The following TBK1 variants were observed in gnomAD, a reference collection of about 807,000 sequenced individuals.
The protein encoded by TBK1 is TANK binding kinase 1.
Under a neutral mutation model 99.9 loss-of-function variants are expected in TBK1, and 37 were observed. The observed-to-expected ratio is 0.37, with a 90% CI of 0.28 to 0.49. TBK1 has a LOEUF of 0.49. Ranked by LOEUF, TBK1 falls within the 20% of genes least tolerant of loss-of-function variation. The pLI, the probability that TBK1 is intolerant of heterozygous loss-of-function variation, is 0.98. For synonymous variants in TBK1, 258 were observed against 279.8 expected, an observed-to-expected ratio of 0.92 and a Z score of 0.78; for missense variants, 644 against 872.5, an observed-to-expected ratio of 0.74 and a Z score of 3.30.
chr12:64,495,447 T>C, intron 13 of TBK1, 36 bp from the exon 14 acceptor site: 1 of 1,606,094 alleles, frequency 6.2e-7, no homozygotes. Context: ...TTTCTGGCTT[T>C]TGGCAATCTG....
intron 13 of TBK1, among the ~76,000 whole-genome samples, chr12:64,494,043 A>G (rs2040899657): frequency 6.6e-6 from 1 of 152,198 alleles, no homozygotes; most frequent in African/African-American, 2.4e-5. Flanking sequence ...TCTTCTATGT[A>G]ATGCTGTAAG....
At chr12:64,487,359 C>G (rs1308267225) in intron 11 of TBK1, among the ~76,000 whole-genome samples, 1 of 152,172 alleles carries the variant, frequency 6.6e-6, no homozygotes, top group African/African-American at 2.4e-5. Context: ...TGTATGCCTA[C>G]CTCATACCCA....
chr12:64,464,882 A>G (rs1452162568), intron 4 of TBK1, among the ~76,000 whole-genome samples: 2 of 152,212 alleles, frequency 1.3e-5, no homozygotes, highest in Non-Finnish European at 2.9e-5. Flanking sequence ...ATCATTGGTT[A>G]TTAGGGAAAT....
chr12:64,472,930 G>A (rs2040676494), intron 5 of TBK1, among the ~76,000 whole-genome samples: 1 of 152,200 alleles, frequency 6.6e-6, no homozygotes, highest in Admixed American at 6.5e-5. Context: ...GTAAGGACGT[G>A]TGTTTAATGT....
intron 3 of TBK1, 105 bp from the exon 4 acceptor site, chr12:64,464,229 C>T: frequency 1.1e-6 from 1 of 904,104 alleles, no homozygotes; most frequent in Non-Finnish European, 1.6e-6. Flanking sequence ...AAAGTGCCTT[C>T]ATCATTGTAG....
chr12:64,498,814 G>C (rs1383627160), intron 20 of TBK1, among the ~76,000 whole-genome samples: 1 of 151,788 alleles, frequency 6.6e-6, no homozygotes, highest in East Asian at 2.0e-4. Context: ...AAATTAGCTG[G>C]GCATGGTGGT....
intron 6 of TBK1, among the ~76,000 whole-genome samples, chr12:64,477,146 T>C (rs1371501844): frequency 1.3e-5 from 2 of 152,350 alleles, no homozygotes; most frequent in East Asian, 3.9e-4. Flanking sequence ...GCCTTGGCTA[T>C]TCAGGCTCTG....
intron 2 of TBK1, among the ~76,000 whole-genome samples, chr12:64,456,648 G>T (rs1018051604): frequency 6.6e-6 from 1 of 152,086 alleles, no homozygotes; most frequent in Non-Finnish European, 1.5e-5. Flanking sequence ...AGACCATCCT[G>T]GCTAACACGG....
chr12:64,454,570 C>T (rs998331125), intron 1 of TBK1, among the ~76,000 whole-genome samples: 1 of 151,110 alleles, frequency 6.6e-6, no homozygotes, highest in Non-Finnish European at 1.5e-5. Flanking sequence ...TTCTTTCAGC[C>T]CTGTGTTAAG....
chr12:64,490,235 C>A, intron 13 of TBK1, 116 bp downstream of exon 13: 1 of 600,712 alleles, frequency 1.7e-6, no homozygotes, highest in Middle Eastern at 4.7e-4. Flanking sequence ...AGAGTCGCAA[C>A]TACTCAGGAG....
chr12:64,476,379 C>T (rs1388846619), intron 6 of TBK1, among the ~76,000 whole-genome samples: 2 of 151,666 alleles, frequency 1.3e-5, no homozygotes, highest in African/African-American at 4.8e-5. Context: ...AGGATGGTCT[C>T]GATCTCCTGA....
At position 64,480,033 on chromosome 12, in the gene TBK1, G is replaced by A. The variant is rs371799560; in HGVS notation, c.723G>A (p.Lys241=). Reference sequence around the variant, plus strand: ...CAAGGTATAAAATAATTACAGGAAAGCCTTCTGGTGCAATATCTGGAGTAC... The same window carrying A: ...CAAGGTATAAAATAATTACAGGAAAACCTTCTGGTGCAATATCTGGAGTAC... ...KEVMYKIITG[K]PSGAISGVQK... The change falls in exon 7 of 21, where the codon AAG becomes AAA. Residue 241 remains lysine, a synonymous_variant. Transcript: ENST00000331710. The A allele has an allele frequency of 5.0e-6, 8 of 1,611,592 alleles. No homozygotes were observed. In the African/African-American group the frequency reaches 8.0e-5, roughly 16 times the overall value.
rs71092971 is a variant in TBK1, at chr12:64,484,010, TAC to T, written c.993-255_993-254del. The T allele has an allele frequency of 0.039, 6,042 of 154,960 alleles. 120 individuals carry two copies. Among genetic ancestry groups the T allele is most frequent in the Middle Eastern group, 0.079 (24 of 304 alleles). 9.6% of individuals were successfully genotyped at this position (154,960 alleles called of 1,614,324 possible). A position where few individuals can be genotyped will look rare whatever the true frequency, so the allele number is the denominator to read the frequency against. ...CAACAGAGCGAAACTCTGTCTCACA[TAC>T]ACACACACACACACACACACACACA... On this transcript the variant is annotated intron_variant, in intron 8 of 20. Coordinates refer to ENST00000331710, the MANE Select transcript of TBK1 (RefSeq NM_013254.4).
chr12:64,481,015 C>T (rs2040763131), intron 7 of TBK1, among the ~76,000 whole-genome samples: 1 of 152,072 alleles, frequency 6.6e-6, no homozygotes, highest in Middle Eastern at 3.2e-3. Flanking sequence ...TTTTCAAAAA[C>T]CACTATTGTT....
At chr12:64,494,311 A>C (rs1462007094) in intron 13 of TBK1, among the ~76,000 whole-genome samples, 2 of 145,076 alleles carry the variant, frequency 1.4e-5, no homozygotes, top group Admixed American at 6.9e-5. Flanking sequence ...AAAAAAAAAA[A>C]AAGAAAAAAA....
chr12:64,482,353 A>C (rs757753183), intron 8 of TBK1, among the ~76,000 whole-genome samples: 4 of 152,200 alleles, frequency 2.6e-5, no homozygotes, highest in African/African-American at 9.6e-5. Flanking sequence ...TAAGTGTACT[A>C]TCCTGCCATG....
chr12:64,476,051 A>G (rs2040708841), intron 6 of TBK1, among the ~76,000 whole-genome samples: 1 of 147,722 alleles, frequency 6.8e-6, no homozygotes, highest in Non-Finnish European at 1.5e-5. Flanking sequence ...TTTTATAGCC[A>G]TTCTGACTGG....
chr12:64,461,181 A>G (rs979277664), intron 3 of TBK1, among the ~76,000 whole-genome samples: 9 of 151,928 alleles, frequency 5.9e-5, no homozygotes, highest in Non-Finnish European at 1.2e-4. Context: ...AATTATAAAG[A>G]GAAAAAATAA....
intron 13 of TBK1, among the ~76,000 whole-genome samples, chr12:64,491,056 T>C (rs2040864348): frequency 6.6e-6 from 1 of 152,174 alleles, no homozygotes; most frequent in East Asian, 1.9e-4. Context: ...CACAAGTCTC[T>C]ACTCTGCTGA....
Sources: gnomAD v4.1 joint callset for allele counts (sites outside exome capture counted in the v4.1 genomes callset) on GRCh38, gnomAD v4.1.1 for gene constraint, MANE v1.5 for transcripts, NCBI Gene and HGNC (gene_info 2026-07-23, HGNC 2026-07-21) for gene names.